Variants in IRGM observed in about 807,000 individuals in gnomAD.
The protein encoded by IRGM is immunity-related GTPase family M protein.
For synonymous variants in IRGM, 98 were observed against 80.6 expected, an observed-to-expected ratio of 1.22 and a Z score of -1.16; for missense variants, 288 against 219.9, an observed-to-expected ratio of 1.31 and a Z score of -1.96.
chr5:150,896,517 A>G (rs1754788850), intron 3 of IRGM: 1 of 1,613,524 alleles, frequency 6.2e-7, no homozygotes, highest in Non-Finnish European at 8.5e-7. Flanking sequence ...ATTATCATCA[A>G]AAGGTATTAC....
chr5:150,852,122 G>A (rs1753986135), downstream of IRGM, among the ~76,000 whole-genome samples: 1 of 152,098 alleles, frequency 6.6e-6, no homozygotes, highest in African/African-American at 2.4e-5. Flanking sequence ...TCATCAATTA[G>A]TAAAATTTGG....
intron 1 of IRGM, among the ~76,000 whole-genome samples, chr5:150,873,774 T>G (rs1662392355): frequency 6.6e-6 from 1 of 152,182 alleles, no homozygotes; most frequent in Non-Finnish European, 1.5e-5. Flanking sequence ...TGAGGGCTAT[T>G]ATGGTGGGAA....
At chr5:150,850,240 T>A (rs1182462420), downstream of IRGM, among the ~76,000 whole-genome samples, 3 of 152,194 alleles carry the variant, frequency 2.0e-5, 1 homozygote, top group South Asian at 6.2e-4. Flanking sequence ...TAAAAAAATA[T>A]GTATGGCAGT....
chr5:150,855,954 C>T (rs1581640792), intron 1 of IRGM, among the ~76,000 whole-genome samples: 1 of 151,518 alleles, frequency 6.6e-6, no homozygotes. Context: ...AATTAGGAGA[C>T]ACTCAATTTT....
chr5:150,895,947 T>A (rs1395244567), intron 3 of IRGM: 1 of 1,613,486 alleles, frequency 6.2e-7, no homozygotes, highest in Non-Finnish European at 8.5e-7. Flanking sequence ...CTCACCAGTG[T>A]GAATTCTTTT....
intron 1 of IRGM, among the ~76,000 whole-genome samples, chr5:150,856,670 A>G (rs1254047357): frequency 6.6e-6 from 1 of 150,632 alleles, no homozygotes; most frequent in Non-Finnish European, 1.5e-5. Context: ...GGGTATTGCT[A>G]TGTTTCCCAG....
intron 3 of IRGM, chr5:150,896,768 A>G (rs112939441): frequency 6.2e-7 from 1 of 1,613,830 alleles, no homozygotes. Flanking sequence ...CTGATGCCTC[A>G]GTCACTGTTT....
At chr5:150,865,103 A>T (rs1288167710) in intron 1 of IRGM, among the ~76,000 whole-genome samples, 1 of 152,220 alleles carries the variant, frequency 6.6e-6, no homozygotes, top group East Asian at 1.9e-4. Flanking sequence ...AACATAAATT[A>T]GAAAGGGAAT....
chr5:150,875,377 C>T (rs10463308), intron 1 of IRGM, among the ~76,000 whole-genome samples: 37,900 of 152,074 alleles, frequency 0.25, 6,797 homozygotes, highest in East Asian at 0.61. Flanking sequence ...AATGGCCAGA[C>T]GTGAAATTAT....
intron 1 of IRGM, among the ~76,000 whole-genome samples, chr5:150,859,243 A>C (rs984757538): frequency 6.6e-6 from 1 of 152,160 alleles, no homozygotes; most frequent in African/African-American, 2.4e-5. Context: ...TGATTTGTGT[A>C]TGTTGAACCA....
intron 3 of IRGM, chr5:150,895,688 T>C: frequency 6.2e-7 from 1 of 1,613,436 alleles, no homozygotes; most frequent in Non-Finnish European, 8.5e-7. Context: ...AAGGTTTTTC[T>C]CCTGTGTGAA....
chr5:150,851,523 G>A (rs962671859), downstream of IRGM, among the ~76,000 whole-genome samples: 1 of 152,116 alleles, frequency 6.6e-6, no homozygotes, highest in Admixed American at 6.5e-5. Flanking sequence ...CAAAATTTTT[G>A]TATATGATTG....
At position 150,848,328 on chromosome 5, in the gene IRGM, G is replaced by A; in HGVS notation, c.205G>A (p.Val69Ile). 6.4e-7 allele frequency: 1 copy of A among 1,551,816 alleles called. No individual in the cohort carries two copies. The highest frequency in any genetic ancestry group is 2.4e-5 in the East Asian group (1 of 41,058). Reference protein sequence around the residue: ...EGKASPPTELVKATQRCASYF... With the variant: ...EGKASPPTELIKATQRCASYF... ...TAAGGCCTCACCTCCTACTGAGCTG[G>A]TAAAAGCTACCCAAAGATGTGCCTC... The change falls in exon 2 of 2, where the codon GTA becomes ATA. Residue 69 changes from valine to isoleucine, a missense_variant. Val to Ile is a conservative substitution (Grantham distance 29, BLOSUM62 3). Transcript: ENST00000522154.
At chr5:150,868,956 CG>C (rs1754244709) in intron 1 of IRGM, among the ~76,000 whole-genome samples, 1 of 151,978 alleles carries the variant, frequency 6.6e-6, no homozygotes, top group African/African-American at 2.4e-5. Context: ...TTCTCTTTAC[CG>C]ATTTGGATGC....
chr5:150,861,287 C>CA (rs144250337), intron 1 of IRGM, among the ~76,000 whole-genome samples: 1,732 of 152,312 alleles, frequency 0.011, 44 homozygotes, highest in African/African-American at 0.04. Context: ...GTGGCTCTCT[C>CA]AGAGTTCCTT....
chr5:150,872,448 A>G (rs1349686593), intron 1 of IRGM, among the ~76,000 whole-genome samples: 1 of 152,150 alleles, frequency 6.6e-6, no homozygotes, highest in East Asian at 1.9e-4. Flanking sequence ...CTCCCAACCT[A>G]TAACTAGAAG....
At chr5:150,895,743 C>A (rs769057700) in intron 3 of IRGM, 1 of 1,613,406 alleles carries the variant, frequency 6.2e-7, no homozygotes, top group Non-Finnish European at 8.5e-7. Flanking sequence ...GAAGGCTTTG[C>A]CACATTCACT....
chr5:150,895,255 C>CTAT lies in IRGM; in HGVS notation c.*141-5332_*141-5330dup, dbSNP rs1159616485. The CTAT allele has an allele frequency of 7.7e-6, 4 of 521,456 alleles. No individual in the cohort carries two copies. In the Admixed American group the frequency reaches 1.4e-4, roughly 19 times the overall value. The allele number at this position is 521,456 out of a possible 1,614,324, so 32.3% of individuals were successfully genotyped here. A position where few individuals can be genotyped will look rare whatever the true frequency, so the allele number is the denominator to read the frequency against. On this transcript the variant is annotated intron_variant and NMD_transcript_variant, in intron 3 of 3. Transcript: ENST00000520549. ...TTAAAAATGTTCTTCATTTATATAACTATTTTCCATCATCTTTGCTGGAAA... is the reference window on the plus strand; with the variant it reads ...TTAAAAATGTTCTTCATTTATATAACTATTATTTTCCATCATCTTTGCTGGAAA...
intron 3 of IRGM, among the ~76,000 whole-genome samples, chr5:150,892,040 G>A (rs1208769177): frequency 2.0e-5 from 3 of 152,028 alleles, no homozygotes; most frequent in African/African-American, 7.2e-5. Context: ...CCAATGTTCT[G>A]CAGATAAGAA....
Sources: allele counts gnomAD v4.1 joint callset (sites outside exome capture counted in the v4.1 genomes callset), GRCh38; gene constraint gnomAD v4.1.1; transcripts MANE v1.5; gene names NCBI Gene and HGNC (gene_info 2026-07-23, HGNC 2026-07-21).